PCDH15: variants seen among roughly 807,000 people sequenced by gnomAD.
The protein encoded by PCDH15 is protocadherin related 15, also known as protocadherin-15.
A neutral mutation model predicts 178.5 loss-of-function variants in PCDH15; 129 were observed. That is an observed-to-expected ratio of 0.72 (90% CI 0.63 to 0.84). PCDH15 has a LOEUF of 0.84. Among genes scored for constraint, PCDH15 ranks in the 40% least tolerant of loss-of-function variants. The pLI is 0.00. For missense variants in PCDH15, 2,230 were observed against 2,099.9 expected (o/e 1.06, Z -1.21); for synonymous variants, 800 against 732.0 (o/e 1.09, Z -1.50).
chr10:55,364,163 T>G (rs556421922), intron 2 of PCDH15, among the ~76,000 whole-genome samples: 1 of 152,114 alleles, frequency 6.6e-6, no homozygotes, highest in East Asian at 1.9e-4. Flanking sequence ...GGGCCTTGCT[T>G]CCCCTTCCCC....
At chr10:54,942,700 C>T (rs1391865895) in intron 2 of PCDH15, among the ~76,000 whole-genome samples, 1 of 151,954 alleles carries the variant, frequency 6.6e-6, no homozygotes, top group Non-Finnish European at 1.5e-5. Flanking sequence ...TTTACAACTT[C>T]CTTATTTCTT....
intron 2 of PCDH15, among the ~76,000 whole-genome samples, chr10:55,329,409 T>G: frequency 6.6e-6 from 1 of 151,588 alleles, no homozygotes; most frequent in East Asian, 1.9e-4. Flanking sequence ...ATAACCCACA[T>G]AAACAGAAGC....
At chr10:54,012,799 T>A (rs565876289) in intron 20 of PCDH15, among the ~76,000 whole-genome samples, 36 of 152,068 alleles carry the variant, frequency 2.4e-4, no homozygotes, top group Non-Finnish European at 4.6e-4. Flanking sequence ...AAAGGAGTGC[T>A]ACATGTGAAC....
At chr10:55,471,972 T>C (rs1024166409) in intron 2 of PCDH15, among the ~76,000 whole-genome samples, 1 of 152,134 alleles carries the variant, frequency 6.6e-6, no homozygotes, top group African/African-American at 2.4e-5. Context: ...GGAAGGAGGA[T>C]GGTGGTTTTA....
chr10:54,757,383 C>T (rs1947297295), intron 1 of PCDH15, among the ~76,000 whole-genome samples: 2 of 85,362 alleles, frequency 2.3e-5, no homozygotes, highest in Non-Finnish European at 2.4e-5. Flanking sequence ...CCCGGGTTCA[C>T]GCCATTCTCC....
chr10:54,432,470 C>T (rs749549671), intron 3 of PCDH15, among the ~76,000 whole-genome samples: 15 of 152,094 alleles, frequency 9.9e-5, no homozygotes, highest in Non-Finnish European at 1.9e-4. Context: ...CAAAAACATA[C>T]ATTGGGGAAA....
At chr10:54,942,444 G>A (rs1401650127) in intron 2 of PCDH15, among the ~76,000 whole-genome samples, 1 of 151,214 alleles carries the variant, frequency 6.6e-6, no homozygotes, top group African/African-American at 2.4e-5. Flanking sequence ...TTTTTTTCCT[G>A]GGGACCAGGT....
intron 2 of PCDH15, among the ~76,000 whole-genome samples, chr10:54,607,340 C>A (rs1348581489): frequency 6.6e-6 from 1 of 151,894 alleles, no homozygotes; most frequent in Non-Finnish European, 1.5e-5. Context: ...TAATAATATT[C>A]TTGGTAGAGG....
At chr10:54,672,692 T>C (rs1471158365) in intron 1 of PCDH15, among the ~76,000 whole-genome samples, 1 of 151,850 alleles carries the variant, frequency 6.6e-6, no homozygotes, top group Admixed American at 6.6e-5. Flanking sequence ...TTGTTAATTA[T>C]ATTTTGAAAA....
chr10:54,183,463 G>C lies in PCDH15; in HGVS notation c.1571C>G (p.Pro524Arg), dbSNP rs1376004364. The change falls in exon 13 of 38, where the codon CCT becomes CGT. Residue 524 changes from proline to arginine, a missense_variant. Physicochemically the swap from Pro to Arg is moderately radical, Grantham distance 103 (BLOSUM62 -2). Coordinates refer to ENST00000644397, the MANE Select transcript of PCDH15 (RefSeq NM_001384140.1). ...AGTTACCTGTATGACACTGTCCCCA[G>C]GTCTCATGTCTGTATAAACATACAC... The part of the protein sequence containing the change: ...YDVYVYTDMR[P>R]GDSVIQLTAV... The C allele has an allele frequency of 3.1e-6, 5 of 1,613,042 alleles. No individual in the cohort carries two copies. The South Asian group carries it at 5.5e-5, about 18-fold the overall frequency.
intron 2 of PCDH15, among the ~76,000 whole-genome samples, chr10:54,574,040 T>G (rs2090174141): frequency 6.6e-6 from 1 of 152,164 alleles, no homozygotes; most frequent in Non-Finnish European, 1.5e-5. Flanking sequence ...TTAGATCTCA[T>G]TTGTCAATTT....
At position 55,154,842 on chromosome 10, in the gene PCDH15, G is replaced by A. The variant is rs183004937; in HGVS notation, c.-80+11734C>T. On this transcript the variant is annotated intron_variant, in intron 2 of 5. Coordinates refer to the PCDH15 transcript ENST00000458638. ...TTTACATCAATGTAAATAAGTTAGT[G>A]TATCAGTGATAGTTGCTTTACCTCC... is the stretch of plus-strand genomic sequence containing the variant. Among the ~76,000 whole-genome samples, 559 of 152,284 alleles carry A rather than the reference G, an allele frequency of 3.7e-3. 4 individuals carry two copies. Among genetic ancestry groups the A allele is most frequent in the South Asian group, 7.2e-3 (35 of 4,830 alleles).
chr10:55,450,617 A>G (rs991199210), intron 2 of PCDH15, among the ~76,000 whole-genome samples: 6 of 152,134 alleles, frequency 3.9e-5, no homozygotes, highest in African/African-American at 1.4e-4. Context: ...AATTCATTGC[A>G]ATTTTCAGTA....
chr10:55,450,049 C>G (rs974742184), intron 2 of PCDH15, among the ~76,000 whole-genome samples: 2 of 151,960 alleles, frequency 1.3e-5, no homozygotes, highest in Admixed American at 6.6e-5. Context: ...TTATTTTAAC[C>G]TTTACTTATT....
intron 15 of PCDH15, among the ~76,000 whole-genome samples, chr10:54,118,494 A>G (rs2095155813): frequency 6.6e-6 from 1 of 152,072 alleles, no homozygotes; most frequent in Non-Finnish European, 1.5e-5. Flanking sequence ...CCCCGTCTCT[A>G]CTAAAAATAC....
chr10:55,240,599 T>A (rs1841516038), intron 1 of PCDH15, among the ~76,000 whole-genome samples: 1 of 152,300 alleles, frequency 6.6e-6, no homozygotes, highest in East Asian at 1.9e-4. Flanking sequence ...ATAAATAGTT[T>A]TGAAAGATGT....
At chr10:53,936,043 T>A (rs2134025995) in intron 25 of PCDH15, among the ~76,000 whole-genome samples, 1 of 152,282 alleles carries the variant, frequency 6.6e-6, no homozygotes, top group South Asian at 2.1e-4. Flanking sequence ...CAGATCTAAC[T>A]ACTTATTTCC....
At chr10:55,503,711 T>C (rs1840703414) in intron 2 of PCDH15, among the ~76,000 whole-genome samples, 1 of 151,292 alleles carries the variant, frequency 6.6e-6, no homozygotes, top group South Asian at 2.1e-4. Flanking sequence ...GAAATGCAAA[T>C]TGAAACAAGA....
intron 14 of PCDH15, among the ~76,000 whole-genome samples, chr10:54,134,935 G>A (rs766693144): frequency 2.0e-5 from 3 of 151,260 alleles, no homozygotes; most frequent in Admixed American, 6.6e-5. Context: ...GGTTGGGTGC[G>A]GTGGCTCATG....
Sources: gnomAD v4.1 joint callset for allele counts (sites outside exome capture counted in the v4.1 genomes callset) on GRCh38, gnomAD v4.1.1 for gene constraint, MANE v1.5 for transcripts, NCBI Gene and HGNC (gene_info 2026-07-23, HGNC 2026-07-21) for gene names.